Variants in ADGRB3 observed in about 807,000 individuals in gnomAD.
The protein encoded by ADGRB3 is brain-specific angiogenesis inhibitor 3.
A neutral mutation model predicts 193.4 loss-of-function variants in ADGRB3; 37 were observed. That is an observed-to-expected ratio of 0.19 (90% CI 0.15 to 0.25). The LOEUF is 0.25. Ranked by LOEUF, ADGRB3 falls within the 10% of genes least tolerant of loss-of-function variation. The probability of loss-of-function intolerance (pLI) is 1.00; values close to 1 mark genes in which losing one functional copy is unlikely to be tolerated. For synonymous variants in ADGRB3, 690 were observed against 644.2 expected (o/e 1.07, Z -1.08); for missense variants, 1,637 against 1,852.9 (o/e 0.88, Z 2.14).
intron 24 of ADGRB3, among the ~76,000 whole-genome samples, chr6:69,338,630 T>C (rs779917384): frequency 6.6e-6 from 1 of 152,222 alleles, no homozygotes; most frequent in African/African-American, 2.4e-5. Flanking sequence ...CACATGCTTA[T>C]GTTTAACTCA....
rs1554187746 is a variant in ADGRB3, at chr6:69,274,445, T to TTTCCTTCCTTCCTTCCTTCCTTCTTCC, written c.2814+35242_2814+35243insTTCCTTCCTTCCTTCCTTCCTTCCTTC. Among the ~76,000 whole-genome samples the TTTCCTTCCTTCCTTCCTTCCTTCTTCC allele has an allele frequency of 9.4e-4, 116 of 123,420 alleles. 1 individual carries two copies. Among genetic ancestry groups the TTTCCTTCCTTCCTTCCTTCCTTCTTCC allele is most frequent in the Non-Finnish European group, 1.2e-3 (72 of 59,168 alleles). The allele number at this position is 123,420 out of a possible 152,430, so 81.0% of individuals were successfully genotyped here. ...GTTGTCTCTCACATTGGTGGTTGCA[T>TTTCCTTCCTTCCTTCCTTCCTTCTTCC]TTCCTTCCTTCCTTCCTTCCTTCCT... is the stretch of plus-strand genomic sequence containing the variant. On this transcript the variant is annotated intron_variant, in intron 20 of 31. Transcript: ENST00000370598.
At chr6:68,871,195 C>A (rs1765445620) in intron 3 of ADGRB3, among the ~76,000 whole-genome samples, 1 of 152,082 alleles carries the variant, frequency 6.6e-6, no homozygotes, top group Admixed American at 6.5e-5. Context: ...AGAACTTGTG[C>A]AGATAGAAAA....
chr6:69,350,402 G>GAT (rs1363687875), intron 26 of ADGRB3, among the ~76,000 whole-genome samples: 2 of 149,978 alleles, frequency 1.3e-5, no homozygotes, highest in Non-Finnish European at 3.0e-5. Flanking sequence ...GCAGATATTT[G>GAT]ACCCTCTGCC....
At chr6:68,859,142 C>G (rs1010854055) in intron 3 of ADGRB3, among the ~76,000 whole-genome samples, 13 of 152,188 alleles carry the variant, frequency 8.5e-5, no homozygotes, top group Admixed American at 8.5e-4. Context: ...CCACAGATCT[C>G]TAGGTCAGGG....
chr6:68,655,518 T>C (rs1164890703), intron 3 of ADGRB3, among the ~76,000 whole-genome samples: 1 of 151,748 alleles, frequency 6.6e-6, no homozygotes, highest in East Asian at 1.9e-4. Context: ...TGATTCATCA[T>C]AAAAAGTAAT....
intron 13 of ADGRB3, among the ~76,000 whole-genome samples, chr6:69,045,398 A>T (rs1302659387): frequency 6.6e-6 from 1 of 152,154 alleles, no homozygotes; most frequent in Non-Finnish European, 1.5e-5. Context: ...TGATAATTTC[A>T]CAGATATAAT....
rs7766812 is a variant in ADGRB3, at chr6:69,038,588, G to T, written c.2108-9597G>T. Among the ~76,000 whole-genome samples, 1,320 of 152,258 alleles carry T rather than the reference G, an allele frequency of 8.7e-3. 31 individuals are homozygous for T. Among genetic ancestry groups the T allele is most frequent in the African/African-American group, 0.03 (1,264 of 41,562 alleles). On this transcript the variant is annotated intron_variant, in intron 13 of 31. Coordinates refer to ENST00000370598, the MANE Select transcript of ADGRB3 (RefSeq NM_001704.3). ...GTGTTCATGTTTGGATTGAAATCAT[G>T]AATTACTTGTGTAAAGAAGATGAAC...
At chr6:69,195,317 C>A (rs1301326511) in intron 17 of ADGRB3, among the ~76,000 whole-genome samples, 3 of 151,894 alleles carry the variant, frequency 2.0e-5, no homozygotes, top group East Asian at 3.9e-4. Context: ...ATCACTTAAG[C>A]CCAGTAATTC....
chr6:69,241,791 C>T (rs1766390083), intron 20 of ADGRB3, among the ~76,000 whole-genome samples: 1 of 151,884 alleles, frequency 6.6e-6, no homozygotes, highest in Admixed American at 6.6e-5. Context: ...GGTTTTGTAT[C>T]AGATTGACTA....
At chr6:69,175,026 C>T (rs1377002919) in intron 17 of ADGRB3, among the ~76,000 whole-genome samples, 1 of 152,092 alleles carries the variant, frequency 6.6e-6, no homozygotes, top group Non-Finnish European at 1.5e-5. Flanking sequence ...CACATGCATA[C>T]TTTGTGAGTA....
At chr6:68,764,614 A>G in intron 3 of ADGRB3, among the ~76,000 whole-genome samples, 1 of 152,224 alleles carries the variant, frequency 6.6e-6, no homozygotes, top group East Asian at 1.9e-4. Context: ...ACCATGTCTC[A>G]ATGAAGATGA....
At chr6:69,275,950 T>C (rs1340209871) in intron 20 of ADGRB3, among the ~76,000 whole-genome samples, 2 of 152,210 alleles carry the variant, frequency 1.3e-5, no homozygotes, top group Non-Finnish European at 2.9e-5. Context: ...ATAAGGTGGC[T>C]CTAGGCCTAG....
intron 29 of ADGRB3, among the ~76,000 whole-genome samples, chr6:69,369,995 C>A (rs1455733843): frequency 6.6e-6 from 1 of 151,984 alleles, no homozygotes; most frequent in Non-Finnish European, 1.5e-5. Flanking sequence ...TAACAATTAG[C>A]AAAACATCAC....
At chr6:69,044,376 C>A (rs2150300356) in intron 13 of ADGRB3, among the ~76,000 whole-genome samples, 1 of 152,326 alleles carries the variant, frequency 6.6e-6, no homozygotes, top group South Asian at 2.1e-4. Context: ...AAGACAGACT[C>A]CTCATCCTCC....
At chr6:69,076,716 A>G (rs1032566134) in intron 17 of ADGRB3, among the ~76,000 whole-genome samples, 2 of 152,016 alleles carry the variant, frequency 1.3e-5, no homozygotes, top group African/African-American at 2.4e-5. Context: ...TTAGACTCCT[A>G]TACTTTAAAT....
chr6:69,190,210 C>T (rs779484), intron 17 of ADGRB3, among the ~76,000 whole-genome samples: 110,016 of 151,968 alleles, frequency 0.72, 42,109 homozygotes, highest in African/African-American at 0.93. Context: ...TGTGGAGATA[C>T]CCAGAAGAGG....
chr6:68,684,866 C>T (rs995537853), intron 3 of ADGRB3, among the ~76,000 whole-genome samples: 23 of 152,044 alleles, frequency 1.5e-4, no homozygotes, highest in African/African-American at 5.3e-4. Flanking sequence ...AGACTTGGCT[C>T]CTGAGTATCA....
intron 3 of ADGRB3, among the ~76,000 whole-genome samples, chr6:68,841,134 A>T (rs963139272): frequency 1.3e-5 from 2 of 152,202 alleles, no homozygotes; most frequent in African/African-American, 4.8e-5. Context: ...GGAGATACAG[A>T]CCCCAATACA....
At chr6:69,184,214 A>C (rs1218063190) in intron 17 of ADGRB3, among the ~76,000 whole-genome samples, 3 of 152,128 alleles carry the variant, frequency 2.0e-5, no homozygotes, top group Non-Finnish European at 4.4e-5. Context: ...CCCATCCATT[A>C]CAATAAACAA....
Sources: allele counts gnomAD v4.1 joint callset (sites outside exome capture counted in the v4.1 genomes callset), GRCh38; gene constraint gnomAD v4.1.1; transcripts MANE v1.5; gene names NCBI Gene and HGNC (gene_info 2026-07-23, HGNC 2026-07-21).